Variants in PRR16 observed in about 807,000 individuals in gnomAD.
PRR16 encodes the protein protein Largen.
A neutral mutation model predicts 18.2 loss-of-function variants in PRR16; 6 were observed. The ratio of observed to expected loss-of-function variants is 0.33; its 90% CI spans 0.18 to 0.65. The LOEUF is 0.65. PRR16 is among the 30% of genes least tolerant of loss of function. The pLI is 0.74. For missense variants in PRR16, 412 were observed against 376.6 expected (o/e 1.09, Z -0.78); for synonymous variants, 151 against 147.8 (o/e 1.02, Z -0.16).
rs375883116 is a variant in PRR16, at chr5:120,509,885, G to A, written c.159+45240G>A. Among the ~76,000 whole-genome samples the A allele has an allele frequency of 4.6e-4, 70 of 152,172 alleles. 1 individual carries two copies. The highest frequency in any genetic ancestry group is 3.4e-3 in the Middle Eastern group (1 of 294). ...TATTTAATTCATAATGGCCTTGAAG[G>A]TCTTCAAGTTTTTTTTCTGCGACGT... On this transcript the variant is annotated intron_variant, in intron 1 of 1. Transcript: ENST00000407149.
the PRR16 span, among the ~76,000 whole-genome samples, chr5:120,711,129 T>C: frequency 2.6e-5 from 4 of 152,192 alleles, no homozygotes; most frequent in Non-Finnish European, 4.4e-5. Flanking sequence ...CACTGGATAA[T>C]GCAGAAAAAT....
At chr5:120,484,007 A>G (rs1047472734) in intron 1 of PRR16, among the ~76,000 whole-genome samples, 2 of 152,028 alleles carry the variant, frequency 1.3e-5, no homozygotes, top group African/African-American at 4.8e-5. Context: ...AAGGGGTTAC[A>G]AGTCTTCTTT....
chr5:120,564,123 G>C (rs1270820375), intron 1 of PRR16, among the ~76,000 whole-genome samples: 1 of 152,150 alleles, frequency 6.6e-6, no homozygotes, highest in Non-Finnish European at 1.5e-5. Flanking sequence ...TGCTATCCAA[G>C]ATGGAAGACA....
chr5:120,627,790 T>C (rs893024838), intron 1 of PRR16, among the ~76,000 whole-genome samples: 2 of 152,110 alleles, frequency 1.3e-5, no homozygotes, highest in African/African-American at 4.8e-5. Context: ...GCCGATTTCC[T>C]AATGCTTAAA....
At chr5:120,740,191 A>G in the PRR16 span, among the ~76,000 whole-genome samples, 2 of 152,182 alleles carry the variant, frequency 1.3e-5, no homozygotes, top group East Asian at 1.9e-4. Flanking sequence ...ATAAGCAGAA[A>G]TGGTGCCCTG....
chr5:120,768,346 TATTC>T, the PRR16 span, among the ~76,000 whole-genome samples: 1 of 151,866 alleles, frequency 6.6e-6, no homozygotes, highest in Non-Finnish European at 1.5e-5. Flanking sequence ...CAATATAAAT[TATTC>T]ATTTTAATCC....
intron 1 of PRR16, among the ~76,000 whole-genome samples, chr5:120,476,827 A>T (rs941576888): frequency 6.6e-6 from 1 of 152,186 alleles, no homozygotes; most frequent in Admixed American, 6.5e-5. Flanking sequence ...AAAAAATAAA[A>T]AAAAACTTGG....
chr5:120,626,763 A>C (rs983312728), intron 1 of PRR16, among the ~76,000 whole-genome samples: 3 of 152,126 alleles, frequency 2.0e-5, no homozygotes, highest in Non-Finnish European at 4.4e-5. Context: ...TCCCTCCATA[A>C]TTTGTAGAAT....
At chr5:120,655,245 T>A (rs972932065) in intron 1 of PRR16, among the ~76,000 whole-genome samples, 1 of 151,882 alleles carries the variant, frequency 6.6e-6, no homozygotes, top group African/African-American at 2.4e-5. Flanking sequence ...TTATTTTCTC[T>A]TGGTGATTGT....
At chr5:120,667,037 C>T (rs1034612738) in intron 1 of PRR16, among the ~76,000 whole-genome samples, 6 of 151,394 alleles carry the variant, frequency 4.0e-5, no homozygotes, top group Admixed American at 2.0e-4. Flanking sequence ...AGGAATGGTA[C>T]CAGCTCCTCC....
At chr5:120,554,853 A>G (rs1752361045) in intron 1 of PRR16, among the ~76,000 whole-genome samples, 2 of 151,922 alleles carry the variant, frequency 1.3e-5, no homozygotes. Context: ...TTTCTTGAAC[A>G]CAAGAAAGAT....
chr5:120,524,154 G>A (rs966785162), intron 1 of PRR16, among the ~76,000 whole-genome samples: 2 of 152,102 alleles, frequency 1.3e-5, no homozygotes, highest in Non-Finnish European at 2.9e-5. Flanking sequence ...GCTGGAACCA[G>A]GATTTCAACA....
At chr5:120,664,069 CG>C (rs1180283268) in intron 1 of PRR16, among the ~76,000 whole-genome samples, 21 of 152,024 alleles carry the variant, frequency 1.4e-4, no homozygotes, top group Non-Finnish European at 3.1e-4. Context: ...GAGGCCGAGG[CG>C]GGCAGATCAC....
At chr5:120,552,971 A>G (rs146573049) in intron 1 of PRR16, among the ~76,000 whole-genome samples, 1 of 151,874 alleles carries the variant, frequency 6.6e-6, no homozygotes, top group African/African-American at 2.4e-5. Context: ...AATATTTTCA[A>G]CCCTCTGGAT....
At chr5:120,646,827 G>A (rs1412093025) in intron 1 of PRR16, among the ~76,000 whole-genome samples, 2 of 151,754 alleles carry the variant, frequency 1.3e-5, no homozygotes, top group East Asian at 1.9e-4. Flanking sequence ...TAAATAAATA[G>A]GAAAGGAATA....
intron 1 of PRR16, among the ~76,000 whole-genome samples, chr5:120,596,294 G>T (rs900257551): frequency 4.6e-5 from 7 of 151,610 alleles, no homozygotes; most frequent in Middle Eastern, 3.4e-3. Flanking sequence ...TGGATACTGT[G>T]GTACAGTGGG....
At chr5:120,465,430 T>G (rs542385651) in intron 1 of PRR16, among the ~76,000 whole-genome samples, 2 of 152,358 alleles carry the variant, frequency 1.3e-5, no homozygotes, top group East Asian at 3.9e-4. Flanking sequence ...CCTGGCTCTC[T>G]GCAGCTGGGA....
At chr5:120,566,278 C>G (rs1580731641) in intron 1 of PRR16, among the ~76,000 whole-genome samples, 1 of 152,184 alleles carries the variant, frequency 6.6e-6, no homozygotes, top group African/African-American at 2.4e-5. Flanking sequence ...TCTTGGACTT[C>G]CTTGCCTCCA....
intron 1 of PRR16, among the ~76,000 whole-genome samples, chr5:120,556,653 G>T (rs1449663606): frequency 2.0e-5 from 3 of 151,782 alleles, no homozygotes; most frequent in African/African-American, 7.3e-5. Context: ...GGCACAGCTT[G>T]TATGTTTTTA....
Sources: allele counts gnomAD v4.1 joint callset (sites outside exome capture counted in the v4.1 genomes callset), GRCh38; gene constraint gnomAD v4.1.1; transcripts MANE v1.5; gene names NCBI Gene and HGNC (gene_info 2026-07-23, HGNC 2026-07-21).